PLPP1: variants seen among roughly 807,000 people sequenced by gnomAD.
PLPP1 encodes the protein phospholipid phosphatase 1.
Under a neutral mutation model 31.2 loss-of-function variants are expected in PLPP1, and 24 were observed. The observed-to-expected ratio is 0.77, with a 90% CI of 0.56 to 1.08. The LOEUF is 1.08. Among genes scored for constraint, PLPP1 ranks in the 50% least tolerant of loss-of-function variants. The pLI is 0.00. For synonymous variants in PLPP1, 146 were observed against 126.3 expected (o/e 1.16, Z -1.05); for missense variants, 319 against 342.7 (o/e 0.93, Z 0.55).
chr5:55,513,009 G>A (rs1418981856), intron 1 of PLPP1, among the ~76,000 whole-genome samples: 1 of 152,182 alleles, frequency 6.6e-6, no homozygotes, highest in African/African-American at 2.4e-5. Context: ...GACCTGTAGA[G>A]TTTTGTCCGG....
At chr5:55,524,040 T>C (rs999994377) in intron 1 of PLPP1, among the ~76,000 whole-genome samples, 3 of 152,230 alleles carry the variant, frequency 2.0e-5, no homozygotes, top group African/African-American at 7.2e-5. Flanking sequence ...CAGCAAATAA[T>C]GTCTGCTTAA....
chr5:55,451,997 C>A (rs1330514217), intron 3 of PLPP1, among the ~76,000 whole-genome samples: 1 of 152,108 alleles, frequency 6.6e-6, no homozygotes. Context: ...ATAATTTTTA[C>A]AAGTATAGGA....
chr5:55,508,419 G>A (rs1415530000), intron 1 of PLPP1, among the ~76,000 whole-genome samples: 1 of 152,116 alleles, frequency 6.6e-6, no homozygotes, highest in Non-Finnish European at 1.5e-5. Flanking sequence ...GATCCAAGAA[G>A]GCACAGACAT....
At chr5:55,448,659 G>T (rs1751824794) in intron 3 of PLPP1, among the ~76,000 whole-genome samples, 1 of 151,982 alleles carries the variant, frequency 6.6e-6, no homozygotes, top group South Asian at 2.1e-4. Flanking sequence ...TGCTGGCCAG[G>T]CTGGTCTCAA....
Position 55,467,965 on chromosome 5 carries a change from T to A in PLPP1, c.395A>T (p.Asp132Val). The change falls in exon 3 of 6, where the codon GAT (aspartate) becomes GTT (valine). Residue 132 changes from aspartate (D) to valine (V), a missense_variant. By Grantham distance (152) the Asp-to-Val change is radical. Coordinates refer to ENST00000307259, the MANE Select transcript of PLPP1 (RefSeq NM_003711.4). ...TTTTGACCAATCTGGATCACAAACA[T>A]CCAAGAAGTGAGGCCGCAGTCTGCC... ...SIGRLRPHFL[D>V]VCDPDWSKIN... The A allele has an allele frequency of 6.2e-7, 1 of 1,614,178 alleles. No homozygotes were observed.
At chr5:55,439,577 C>G (rs1751573560) in intron 4 of PLPP1, among the ~76,000 whole-genome samples, 1 of 152,172 alleles carries the variant, frequency 6.6e-6, no homozygotes, top group South Asian at 2.1e-4. Context: ...AATTACCACA[C>G]TATGGTTGAC....
intron 3 of PLPP1, among the ~76,000 whole-genome samples, chr5:55,445,209 ATG>A (rs1468381666): frequency 6.6e-6 from 1 of 152,192 alleles, no homozygotes; most frequent in East Asian, 1.9e-4. Flanking sequence ...GCCCCCATGC[ATG>A]TGAGTTCCCT....
chr5:55,485,835 T>C (rs1318687535), intron 1 of PLPP1, among the ~76,000 whole-genome samples: 25 of 152,172 alleles, frequency 1.6e-4, no homozygotes, highest in Admixed American at 1.6e-3. Context: ...TAATATTTCA[T>C]CACTAGAATA....
intron 1 of PLPP1, chr5:55,484,731 G>A (rs1447601804): frequency 2.6e-5 from 4 of 152,160 alleles, no homozygotes; most frequent in African/African-American, 9.7e-5. Context: ...GCTAATGAAT[G>A]ACTCAGGATG....
intron 1 of PLPP1, among the ~76,000 whole-genome samples, chr5:55,534,140 A>G (rs1376375148): frequency 1.3e-5 from 2 of 152,146 alleles, no homozygotes; most frequent in African/African-American, 4.8e-5. Flanking sequence ...GAAATATTAA[A>G]CTGCTTCTCA....
chr5:55,440,567 G>A (rs1751599543), intron 4 of PLPP1, among the ~76,000 whole-genome samples: 1 of 152,122 alleles, frequency 6.6e-6, no homozygotes, highest in Non-Finnish European at 1.5e-5. Flanking sequence ...TCTTAAAAAG[G>A]AAGCCCTAAA....
intron 1 of PLPP1, among the ~76,000 whole-genome samples, chr5:55,517,021 TAA>T (rs1230242973): frequency 6.6e-6 from 1 of 152,196 alleles, no homozygotes; most frequent in African/African-American, 2.4e-5. Context: ...TAATTCACTA[TAA>T]GTCAGATAAT....
At chr5:55,485,360 CG>C in intron 1 of PLPP1, among the ~76,000 whole-genome samples, 1 of 138,194 alleles carries the variant, frequency 7.2e-6, no homozygotes, top group Non-Finnish European at 1.6e-5. Flanking sequence ...CTCAGGTTAA[CG>C]GACAACCAAT....
chr5:55,474,829 C>T (rs116407485), intron 2 of PLPP1, among the ~76,000 whole-genome samples: 3 of 152,160 alleles, frequency 2.0e-5, no homozygotes, highest in Non-Finnish European at 4.4e-5. Flanking sequence ...CTATTGATCA[C>T]AAGATTATTA....
chr5:55,444,231 AC>A (rs1287146457), intron 3 of PLPP1, among the ~76,000 whole-genome samples: 1 of 151,864 alleles, frequency 6.6e-6, no homozygotes, highest in African/African-American at 2.4e-5. Flanking sequence ...ACAGGCTTGC[AC>A]CACTGTGCCA....
chr5:55,505,058 G>A (rs1205588547), intron 1 of PLPP1, among the ~76,000 whole-genome samples: 3 of 151,944 alleles, frequency 2.0e-5, no homozygotes, highest in Non-Finnish European at 4.4e-5. Context: ...TGATGCGTCC[G>A]CCTTGGCCTC....
At chr5:55,524,766 T>C (rs980004402) in intron 1 of PLPP1, among the ~76,000 whole-genome samples, 1 of 152,100 alleles carries the variant, frequency 6.6e-6, no homozygotes, top group Admixed American at 6.5e-5. Flanking sequence ...GCCAAGATCA[T>C]GCCGTTGCAT....
At chr5:55,508,684 T>G (rs928522639) in intron 1 of PLPP1, among the ~76,000 whole-genome samples, 1 of 152,218 alleles carries the variant, frequency 6.6e-6, no homozygotes, top group African/African-American at 2.4e-5. Flanking sequence ...AGACACTAGC[T>G]GGTGCTAGAG....
At chr5:55,526,462 G>C (rs561054722) in intron 1 of PLPP1, among the ~76,000 whole-genome samples, 2 of 152,116 alleles carry the variant, frequency 1.3e-5, no homozygotes, top group South Asian at 4.2e-4. Context: ...GAAAGAAAAA[G>C]CCTTGCAATA....
Sources: gnomAD v4.1 joint callset for allele counts (sites outside exome capture counted in the v4.1 genomes callset) on GRCh38, gnomAD v4.1.1 for gene constraint, MANE v1.5 for transcripts, NCBI Gene and HGNC (gene_info 2026-07-23, HGNC 2026-07-21) for gene names.